Variants in CCDC171 observed in about 807,000 individuals in gnomAD.
CCDC171 encodes coiled-coil domain-containing protein 171.
A neutral mutation model predicts 168.2 loss-of-function variants in CCDC171; 177 were observed. That is an observed-to-expected ratio of 1.05 (90% CI 0.93 to 1.19). The LOEUF (loss-of-function observed/expected upper bound fraction) is 1.19, where lower values mean the gene tolerates loss of function less well. CCDC171 is among the 50% of genes most tolerant of loss of function. The probability of loss-of-function intolerance (pLI) is 0.00; values close to 1 mark genes in which losing one functional copy is unlikely to be tolerated. For synonymous variants in CCDC171, 687 were observed against 540.8 expected, an observed-to-expected ratio of 1.27 and a Z score of -3.75; for missense variants, 1,991 against 1,539.0, an observed-to-expected ratio of 1.29 and a Z score of -4.91.
intron 25 of CCDC171, among the ~76,000 whole-genome samples, chr9:15,942,956 G>T (rs1447748590): frequency 6.6e-6 from 1 of 151,996 alleles, no homozygotes; most frequent in Non-Finnish European, 1.5e-5. Context: ...CAGCCCACCT[G>T]AGAATAGCTC....
the CCDC171 span, among the ~76,000 whole-genome samples, chr9:16,080,301 T>G: frequency 2.0e-5 from 3 of 152,138 alleles, no homozygotes; most frequent in Non-Finnish European, 4.4e-5. Context: ...ATTTTATTGG[T>G]TTTTTTCCCC....
At chr9:16,081,080 C>T in the CCDC171 span, among the ~76,000 whole-genome samples, 4 of 152,286 alleles carry the variant, frequency 2.6e-5, no homozygotes, top group South Asian at 2.1e-4. Flanking sequence ...CTGCGAGTAG[C>T]GGGCCACCTC....
intron 21 of CCDC171, among the ~76,000 whole-genome samples, chr9:15,831,288 A>G (rs1055106352): frequency 3.3e-5 from 5 of 152,136 alleles, no homozygotes; most frequent in Admixed American, 2.6e-4. Flanking sequence ...TTTTATAAAA[A>G]CAAAACTGTA....
chr9:15,958,110 T>TGATC (rs1295613305), intron 25 of CCDC171, among the ~76,000 whole-genome samples: 2 of 150,522 alleles, frequency 1.3e-5, no homozygotes, highest in African/African-American at 4.9e-5. Context: ...ATTAACTCAC[T>TGATC]CATCCATTCA....
At chr9:15,567,104 C>T (rs764443082) in intron 2 of CCDC171, among the ~76,000 whole-genome samples, 65 of 151,008 alleles carry the variant, frequency 4.3e-4, no homozygotes, top group Admixed American at 1.1e-3. Context: ...TCACTGCAAC[C>T]TCTGTCCCCC....
At position 15,802,480 on chromosome 9, in the gene CCDC171, TCC is replaced by T. The variant is rs2058873145; in HGVS notation, c.3267+17788_3267+17789del. ...GTGTGTCCATGTGTTCTCATTTAGC[TCC>T]CACTTATAAGTGAGAACATGTGGTA... On this transcript the variant is annotated intron_variant, in intron 21 of 25. Transcript: ENST00000380701. Among the ~76,000 whole-genome samples, 4 of 152,240 alleles carry T rather than the reference TCC, an allele frequency of 2.6e-5. No homozygotes were observed. The South Asian group carries it at 8.3e-4, about 32-fold the overall frequency.
chr9:15,587,580 G>A (rs1190391448), intron 4 of CCDC171: 1 of 454,114 alleles, frequency 2.2e-6, no homozygotes, highest in Non-Finnish European at 4.4e-6. Flanking sequence ...AAAGCCAGGA[G>A]GAAGAACCTA....
intron 10 of CCDC171, among the ~76,000 whole-genome samples, chr9:15,681,449 CCT>C (rs760658779): frequency 6.6e-6 from 1 of 151,556 alleles, no homozygotes; most frequent in African/African-American, 2.4e-5. Context: ...TTTCTTCTTC[CCT>C]GTTAGCTTTC....
At chr9:15,637,930 A>G (rs922919199) in intron 7 of CCDC171, among the ~76,000 whole-genome samples, 2 of 152,052 alleles carry the variant, frequency 1.3e-5, no homozygotes, top group South Asian at 4.1e-4. Context: ...CAATAAACAT[A>G]CGTGTGCATG....
chr9:16,037,844 G>A (rs552719495), upstream of CCDC171, among the ~76,000 whole-genome samples: 12 of 152,100 alleles, frequency 7.9e-5, no homozygotes, highest in African/African-American at 1.7e-4. Flanking sequence ...GAGAATAAGC[G>A]TTTAGAAGTA....
intron 18 of CCDC171, among the ~76,000 whole-genome samples, chr9:15,776,961 A>C (rs2057359702): frequency 6.6e-6 from 1 of 152,210 alleles, no homozygotes; most frequent in Admixed American, 6.5e-5. Flanking sequence ...GGAAAACTAA[A>C]TTACATGGCT....
At chr9:15,631,709 C>G (rs1160333609) in intron 7 of CCDC171, among the ~76,000 whole-genome samples, 1 of 152,244 alleles carries the variant, frequency 6.6e-6, no homozygotes, top group East Asian at 1.9e-4. Flanking sequence ...CGGGCAGAGA[C>G]ACAACCAAAA....
At chr9:15,560,486 A>G (rs1371018678) in intron 1 of CCDC171, among the ~76,000 whole-genome samples, 1 of 152,090 alleles carries the variant, frequency 6.6e-6, no homozygotes, top group Non-Finnish European at 1.5e-5. Flanking sequence ...TTGTTCTTCA[A>G]TCAATGATAC....
chr9:15,773,822 G>C (rs1052295770), intron 18 of CCDC171, among the ~76,000 whole-genome samples: 1 of 152,096 alleles, frequency 6.6e-6, no homozygotes, highest in Non-Finnish European at 1.5e-5. Context: ...CTTCTGCACA[G>C]CCAAAGAAAT....
At chr9:15,721,922 AC>A in intron 12 of CCDC171, 47 bp downstream of exon 12, 1 of 936,152 alleles carries the variant, frequency 1.1e-6, no homozygotes, top group Non-Finnish European at 1.5e-6. Flanking sequence ...TTCGGCCTGT[AC>A]CAGTACGTAT....
In CCDC171 at chr9:15,972,107, C is replaced by T. The variant is rs1589284944; in HGVS notation, c.*271C>T. The T allele has an allele frequency of 4.5e-5, 18 of 404,492 alleles. No homozygotes were observed. In the East Asian group the frequency reaches 7.7e-4, roughly 17 times the overall value. The allele number at this position is 404,492 out of a possible 1,614,324, so 25.1% of individuals were successfully genotyped here. A position where few individuals can be genotyped will look rare whatever the true frequency, so the allele number is the denominator to read the frequency against. On this transcript the variant is annotated 3_prime_UTR_variant, in exon 26 of 26. Coordinates refer to ENST00000380701, the MANE Select transcript of CCDC171 (RefSeq NM_173550.4). The stretch of plus-strand genomic sequence containing the variant: ...AGGAATGACACATTTTGGGTAATTT[C>T]CCTCAGACTTAAAAAAATCAATAAG...
intron 7 of CCDC171, among the ~76,000 whole-genome samples, chr9:15,642,339 G>GTA (rs2046686875): frequency 6.0e-5 from 5 of 83,714 alleles, no homozygotes; most frequent in Admixed American, 3.6e-4. Context: ...ACACGTGTGT[G>GTA]TGTGTATATA....
intron 21 of CCDC171, among the ~76,000 whole-genome samples, chr9:15,823,270 C>T (rs1249084319): frequency 2.0e-5 from 3 of 151,812 alleles, no homozygotes; most frequent in East Asian, 3.9e-4. Context: ...CACATGTATA[C>T]GTATGTAACA....
chr9:15,802,424 TG>T (rs1398275984), intron 21 of CCDC171, among the ~76,000 whole-genome samples: 4 of 151,880 alleles, frequency 2.6e-5, no homozygotes, highest in African/African-American at 9.7e-5. Context: ...CTGCATCCTC[TG>T]ATAGACCACA....
Sources: allele counts gnomAD v4.1 joint callset (sites outside exome capture counted in the v4.1 genomes callset), GRCh38; gene constraint gnomAD v4.1.1; transcripts MANE v1.5; gene names NCBI Gene and HGNC (gene_info 2026-07-23, HGNC 2026-07-21).